RFX3: variants seen among roughly 807,000 people sequenced by gnomAD.
RFX3 encodes transcription factor RFX3.
Under a neutral mutation model 98.6 loss-of-function variants are expected in RFX3, and 14 were observed. The ratio of observed to expected loss-of-function variants is 0.14; its 90% confidence interval spans 0.09 to 0.22. The LOEUF is 0.22. RFX3 is among the 10% of genes least tolerant of loss of function. The pLI, the probability that RFX3 is intolerant of heterozygous loss-of-function variation, is 1.00. For synonymous variants in RFX3, 383 were observed against 328.4 expected (o/e 1.17, Z -1.80); for missense variants, 639 against 926.9 (o/e 0.69, Z 4.03).
intron 2 of RFX3, among the ~76,000 whole-genome samples, chr9:3,350,287 T>C (rs1169504803): frequency 1.3e-5 from 2 of 152,130 alleles, no homozygotes; most frequent in Non-Finnish European, 2.9e-5. Flanking sequence ...ATAAACAAGC[T>C]GATTTTAAAA....
chr9:3,277,837 T>G (rs950515908), intron 7 of RFX3, among the ~76,000 whole-genome samples: 1 of 151,930 alleles, frequency 6.6e-6, no homozygotes, highest in Non-Finnish European at 1.5e-5. Context: ...TGAACAATGA[T>G]CTAGGAGCTC....
intron 1 of RFX3, among the ~76,000 whole-genome samples, chr9:3,408,586 T>C (rs1257956858): frequency 1.3e-5 from 2 of 151,514 alleles, no homozygotes; most frequent in East Asian, 3.9e-4. Context: ...GAGTTATCTC[T>C]GTCTCTGTCT....
intron 4 of RFX3, among the ~76,000 whole-genome samples, chr9:3,321,590 T>C (rs1831328264): frequency 6.6e-6 from 1 of 152,226 alleles, no homozygotes; most frequent in Non-Finnish European, 1.5e-5. Flanking sequence ...GGTCTATAAA[T>C]TTAAAAAATT....
At chr9:3,287,064 TC>T (rs1429030155) in intron 7 of RFX3, among the ~76,000 whole-genome samples, 1 of 151,866 alleles carries the variant, frequency 6.6e-6, no homozygotes, top group Admixed American at 6.6e-5. Flanking sequence ...TCCATGTGCC[TC>T]CCCTTCTAAT....
chr9:3,467,181 T>TATATACATATATAATGTATATAC (rs1848363061), intron 1 of RFX3, among the ~76,000 whole-genome samples: 1 of 142,436 alleles, frequency 7.0e-6, no homozygotes, highest in African/African-American at 2.7e-5. Flanking sequence ...AATGTATATA[T>TATATACATATATAATGTATATAC]GTATATACAT....
At chr9:3,243,037 A>T (rs1820167393) in intron 15 of RFX3, among the ~76,000 whole-genome samples, 1 of 151,966 alleles carries the variant, frequency 6.6e-6, no homozygotes, top group South Asian at 2.1e-4. Flanking sequence ...TGGACTATGT[A>T]TGTTTTAAAG....
intron 4 of RFX3, among the ~76,000 whole-genome samples, chr9:3,322,434 T>C (rs1326340850): frequency 6.6e-6 from 1 of 152,170 alleles, no homozygotes; most frequent in Non-Finnish European, 1.5e-5. Flanking sequence ...TTGATTTATT[T>C]GTGTATTAAT....
At chr9:3,492,233 C>T (rs1387898313) in intron 1 of RFX3, among the ~76,000 whole-genome samples, 3 of 152,210 alleles carry the variant, frequency 2.0e-5, no homozygotes, top group Non-Finnish European at 4.4e-5. Context: ...CTCCATAATT[C>T]TCCTGAAACC....
intron 3 of RFX3, among the ~76,000 whole-genome samples, chr9:3,344,571 T>C (rs1046101304): frequency 3.3e-5 from 5 of 152,182 alleles, no homozygotes; most frequent in Non-Finnish European, 7.3e-5. Flanking sequence ...TGATAGGTAC[T>C]ATACAATTAA....
intron 7 of RFX3, among the ~76,000 whole-genome samples, chr9:3,281,982 A>T (rs943402463): frequency 3.3e-5 from 5 of 151,820 alleles, no homozygotes; most frequent in Non-Finnish European, 7.4e-5. Flanking sequence ...GCACATGCAA[A>T]CACAAAATAT....
intron 2 of RFX3, among the ~76,000 whole-genome samples, chr9:3,390,296 T>C (rs1340607444): frequency 6.6e-6 from 1 of 152,126 alleles, no homozygotes; most frequent in Admixed American, 6.6e-5. Flanking sequence ...AATGTCAAAG[T>C]GTAAAAGATA....
At chr9:3,488,883 T>A (rs1026693288) in intron 1 of RFX3, 6 of 984,850 alleles carry the variant, frequency 6.1e-6, no homozygotes, top group Non-Finnish European at 7.2e-6. Context: ...AACTAGAGTA[T>A]CCTCCATGGC....
At chr9:3,446,427 T>C (rs1265758236) in intron 1 of RFX3, among the ~76,000 whole-genome samples, 5 of 152,100 alleles carry the variant, frequency 3.3e-5, no homozygotes, top group Admixed American at 2.0e-4. Context: ...CTCAAGAATG[T>C]AAAATGGTTG....
chr9:3,240,346 A>T (rs1819750824), intron 15 of RFX3, among the ~76,000 whole-genome samples: 1 of 152,250 alleles, frequency 6.6e-6, no homozygotes. Context: ...CTATTGGGGA[A>T]ATAGAACGAA....
At position 3,282,864 on chromosome 9, in the gene RFX3, C is replaced by A. The variant is rs187066692; in HGVS notation, c.851+5267G>T. On this transcript the variant is annotated intron_variant, in intron 7 of 16. Coordinates refer to ENST00000617270, the MANE Select transcript of RFX3 (RefSeq NM_001282116.2). ...AAATTAGTGAGCTTCTTGAATACAGCAAAATTAAGTGGTCCTCAGTTTCCT... is the reference window on the plus strand; with the variant it reads ...AAATTAGTGAGCTTCTTGAATACAGAAAAATTAAGTGGTCCTCAGTTTCCT... 1.2e-3 allele frequency among the ~76,000 whole-genome samples: 179 copies of A among 151,830 alleles called. 1 individual carries two copies. The highest frequency in any genetic ancestry group is 2.1e-3 in the Non-Finnish European group (140 of 67,810).
Position 3,423,317 on chromosome 9 carries a change from G to C in RFX3, c.-8-27721C>G, listed in dbSNP as rs183054411. Among the ~76,000 whole-genome samples, 9 of 152,222 alleles carry C rather than the reference G, an allele frequency of 5.9e-5. No individual in the cohort carries two copies. The East Asian group carries it at 1.2e-3, about 20-fold the overall frequency. On this transcript the variant is annotated intron_variant, in intron 1 of 16. Transcript: ENST00000617270. The stretch of plus-strand genomic sequence containing the variant: ...TGATCTAACAAAAATGAAGACATTT[G>C]TCTAAACAAAGACTTACAAAGATTC...
chr9:3,428,374 T>C (rs1041633329), intron 1 of RFX3, among the ~76,000 whole-genome samples: 6 of 152,216 alleles, frequency 3.9e-5, no homozygotes, highest in Non-Finnish European at 8.8e-5. Flanking sequence ...AACTTTAAGA[T>C]CTTATAATGA....
intron 11 of RFX3, among the ~76,000 whole-genome samples, chr9:3,269,483 T>A (rs888204123): frequency 1.1e-4 from 16 of 152,148 alleles, no homozygotes; most frequent in African/African-American, 3.9e-4. Flanking sequence ...TTGATGTCAA[T>A]GTAGAGTAGT....
intron 5 of RFX3, among the ~76,000 whole-genome samples, chr9:3,300,685 A>G (rs1828545854): frequency 6.6e-6 from 1 of 151,884 alleles, no homozygotes; most frequent in Non-Finnish European, 1.5e-5. Context: ...CTAAACTAAA[A>G]TGTCACTAAT....
Sources: allele counts gnomAD v4.1 joint callset (sites outside exome capture counted in the v4.1 genomes callset), GRCh38; gene constraint gnomAD v4.1.1; transcripts MANE v1.5; gene names NCBI Gene and HGNC (gene_info 2026-07-23, HGNC 2026-07-21).